The following LMNTD1 variants were observed in gnomAD, a reference collection of about 807,000 sequenced individuals.
LMNTD1 encodes lamin tail domain-containing protein 1.
Under a neutral mutation model 50.9 loss-of-function variants are expected in LMNTD1, and 35 were observed. That is an observed-to-expected ratio of 0.69 (90% confidence interval 0.53 to 0.91). LMNTD1 has a LOEUF of 0.91. Ranked by LOEUF, LMNTD1 falls within the 40% of genes least tolerant of loss-of-function variation. The probability of loss-of-function intolerance (pLI) is 0.00; values close to 1 mark genes in which losing one functional copy is unlikely to be tolerated. For missense variants in LMNTD1, 470 were observed against 475.5 expected, an observed-to-expected ratio of 0.99 and a Z score of 0.11; for synonymous variants, 153 against 161.9, an observed-to-expected ratio of 0.94 and a Z score of 0.42.
intron 1 of LMNTD1, among the ~76,000 whole-genome samples, chr12:25,586,378 C>A (rs1945524482): frequency 6.6e-6 from 1 of 152,124 alleles, no homozygotes; most frequent in Non-Finnish European, 1.5e-5. Context: ...ACCAACACTA[C>A]CTTCATGCAG....
intron 8 of LMNTD1, among the ~76,000 whole-genome samples, chr12:25,508,711 C>A (rs1441300684): frequency 6.6e-6 from 1 of 152,070 alleles, no homozygotes; most frequent in Non-Finnish European, 1.5e-5. Context: ...CCTTATTTCA[C>A]GCAGACTTCT....
In LMNTD1 at chr12:25,634,967, G is replaced by A. The variant is rs747654132; in HGVS notation, c.58+13527C>T. ...ATAAAAAAAATTCAGCAGGCTGGGC[G>A]CAGTGGCTCATGCCTGTAATCTCAA... is the stretch of plus-strand genomic sequence containing the variant. On this transcript the variant is annotated intron_variant, in intron 1 of 7. Coordinates refer to the LMNTD1 transcript ENST00000445693. Among the ~76,000 whole-genome samples, 23 of 152,262 alleles carry A rather than the reference G, an allele frequency of 1.5e-4. 1 individual carries two copies. Among genetic ancestry groups the A allele is most frequent in the Middle Eastern group, 6.8e-3 (2 of 294 alleles).
intron 1 of LMNTD1, among the ~76,000 whole-genome samples, chr12:25,643,126 T>A (rs1946987892): frequency 6.6e-6 from 1 of 152,120 alleles, no homozygotes; most frequent in Admixed American, 6.6e-5. Context: ...AAAAAACATA[T>A]AACATGGTAA....
At chr12:25,598,209 G>A (rs1053636275) in intron 1 of LMNTD1, among the ~76,000 whole-genome samples, 1 of 152,002 alleles carries the variant, frequency 6.6e-6, no homozygotes, top group African/African-American at 2.4e-5. Flanking sequence ...TTAGCAGCAT[G>A]AGAACAGAAT....
At chr12:25,601,768 T>C (rs1592092609) in intron 1 of LMNTD1, among the ~76,000 whole-genome samples, 1 of 152,054 alleles carries the variant, frequency 6.6e-6, no homozygotes, top group East Asian at 1.9e-4. Flanking sequence ...TTAATCCTTT[T>C]CTTTGACTTA....
intron 1 of LMNTD1, among the ~76,000 whole-genome samples, chr12:25,599,040 T>C (rs1004638593): frequency 6.6e-6 from 1 of 151,956 alleles, no homozygotes; most frequent in East Asian, 1.9e-4. Flanking sequence ...ATATCTCTGA[T>C]GAATATTTAT....
At chr12:25,540,117 T>G (rs1942947775) in intron 4 of LMNTD1, among the ~76,000 whole-genome samples, 1 of 89,184 alleles carries the variant, frequency 1.1e-5, no homozygotes, top group Non-Finnish European at 2.2e-5. Context: ...CAGGACCAGA[T>G]GGATTCACAG....
intron 1 of LMNTD1, among the ~76,000 whole-genome samples, chr12:25,570,011 A>C (rs1944720826): frequency 6.6e-6 from 1 of 152,236 alleles, no homozygotes; most frequent in African/African-American, 2.4e-5. Flanking sequence ...GCAGTCAGAT[A>C]ATTGTCCAAA....
intron 9 of LMNTD1, among the ~76,000 whole-genome samples, chr12:25,502,641 C>G (rs1591834610): frequency 6.6e-6 from 1 of 152,326 alleles, no homozygotes; most frequent in East Asian, 1.9e-4. Flanking sequence ...GGATAAGTCC[C>G]TTTTCAGTCC....
At chr12:25,494,568 A>C (rs1188603205) in intron 9 of LMNTD1, among the ~76,000 whole-genome samples, 1 of 152,160 alleles carries the variant, frequency 6.6e-6, no homozygotes, top group Non-Finnish European at 1.5e-5. Context: ...TATTCCAAAG[A>C]ATATGATTAT....
intron 1 of LMNTD1, among the ~76,000 whole-genome samples, chr12:25,577,632 G>A (rs1356346157): frequency 1.3e-5 from 2 of 152,162 alleles, no homozygotes; most frequent in African/African-American, 4.8e-5. Context: ...TCTGCAAACA[G>A]GGACAATTTG....
intron 1 of LMNTD1, among the ~76,000 whole-genome samples, chr12:25,609,584 G>A (rs1946197355): frequency 6.6e-6 from 1 of 152,192 alleles, no homozygotes; most frequent in Non-Finnish European, 1.5e-5. Context: ...AGGTCCCTCA[G>A]CTGCAGGTCT....
intron 1 of LMNTD1, among the ~76,000 whole-genome samples, chr12:25,636,586 G>T (rs373599342): frequency 6.6e-6 from 1 of 152,130 alleles, no homozygotes; most frequent in African/African-American, 2.4e-5. Context: ...ATTCCTTAAG[G>T]AACTAAAAGG....
At chr12:25,575,276 GA>G (rs2136380617) in intron 1 of LMNTD1, among the ~76,000 whole-genome samples, 1 of 152,234 alleles carries the variant, frequency 6.6e-6, no homozygotes, top group East Asian at 1.9e-4. Context: ...TCTCCTCTGA[GA>G]TTTTGAACCT....
At chr12:25,614,532 T>A (rs905912340) in intron 1 of LMNTD1, among the ~76,000 whole-genome samples, 1 of 152,174 alleles carries the variant, frequency 6.6e-6, no homozygotes, top group Admixed American at 6.5e-5. Context: ...TCACATGCAA[T>A]AGACTTTGTG....
chr12:25,526,094 C>A lies in LMNTD1; in HGVS notation c.798+5G>T. ...AAAAACGATTGTTAAGAACCAGAAA[C>A]TAACTTGACCGTTCGGTTTGCACAG... On this transcript the variant is annotated splice_donor_5th_base_variant and intron_variant, in intron 6 of 9. Transcript: ENST00000458174. 2 of 1,549,806 alleles carry A rather than the reference C, an allele frequency of 1.3e-6. No individual in the cohort carries two copies. Among genetic ancestry groups the A allele is most frequent in the Non-Finnish European group, 8.7e-7 (1 of 1,153,046 alleles).
intron 1 of LMNTD1, among the ~76,000 whole-genome samples, chr12:25,564,672 C>T (rs192358693): frequency 3.5e-4 from 53 of 152,214 alleles, no homozygotes; most frequent in Non-Finnish European, 7.4e-4. Context: ...TGAGAATGAT[C>T]CATGTGCTGA....
At chr12:25,585,918 A>G (rs1047655366) in intron 1 of LMNTD1, 10 of 152,218 alleles carry the variant, frequency 6.6e-5, no homozygotes, top group Admixed American at 5.9e-4. Context: ...TATTTTACAG[A>G]TGAAGAAACT....
chr12:25,563,528 G>A (rs987045877), intron 1 of LMNTD1, among the ~76,000 whole-genome samples: 15 of 152,086 alleles, frequency 9.9e-5, no homozygotes, highest in African/African-American at 1.9e-4. Context: ...AGGGGCACCC[G>A]GCTGTATGAG....
Sources: gnomAD v4.1 joint callset for allele counts (sites outside exome capture counted in the v4.1 genomes callset) on GRCh38, gnomAD v4.1.1 for gene constraint, MANE v1.5 for transcripts, NCBI Gene and HGNC (gene_info 2026-07-23, HGNC 2026-07-21) for gene names.